Variants in GRM7 observed in about 807,000 individuals in gnomAD.
The protein encoded by GRM7 is glutamate metabotropic receptor 7.
Under a neutral mutation model 84.5 loss-of-function variants are expected in GRM7, and 35 were observed. The observed-to-expected ratio is 0.41, with a 90% CI of 0.32 to 0.55. GRM7 has a LOEUF of 0.55. GRM7 is among the 20% of genes least tolerant of loss of function. The probability of loss-of-function intolerance (pLI) is 0.19; values close to 1 mark genes in which losing one functional copy is unlikely to be tolerated. For synonymous variants in GRM7, 487 were observed against 455.1 expected (o/e 1.07, Z -0.89); for missense variants, 1,003 against 1,194.6 (o/e 0.84, Z 2.36).
chr3:6,994,067 A>C (rs1694743894), intron 1 of GRM7, among the ~76,000 whole-genome samples: 1 of 152,198 alleles, frequency 6.6e-6, no homozygotes, highest in South Asian at 2.1e-4. Flanking sequence ...CATCTTAGTA[A>C]TGTGATCATA....
chr3:7,665,870 C>T (rs1222693074), intron 8 of GRM7, among the ~76,000 whole-genome samples: 1 of 152,152 alleles, frequency 6.6e-6, no homozygotes. Context: ...TATATTTACA[C>T]CTCAAAAAGA....
chr3:7,407,407 A>C (rs562399084), intron 4 of GRM7, among the ~76,000 whole-genome samples: 2 of 152,206 alleles, frequency 1.3e-5, no homozygotes, highest in African/African-American at 2.4e-5. Context: ...ACATGACTGC[A>C]CATAGCATAG....
intron 1 of GRM7, among the ~76,000 whole-genome samples, chr3:7,108,936 G>A (rs1499155): frequency 0.064 from 9,791 of 152,038 alleles, 747 homozygotes; most frequent in African/African-American, 0.15. Flanking sequence ...GAGTTAGCAT[G>A]CAATTGGAGG....
intron 2 of GRM7, among the ~76,000 whole-genome samples, chr3:7,148,540 T>C (rs1326742755): frequency 3.9e-5 from 6 of 152,300 alleles, no homozygotes; most frequent in East Asian, 1.9e-4. Flanking sequence ...TGCCTTGGGA[T>C]CAAGATAAAT....
intron 2 of GRM7, among the ~76,000 whole-genome samples, chr3:7,278,432 G>A (rs925405846): frequency 2.0e-5 from 3 of 151,950 alleles, no homozygotes; most frequent in Non-Finnish European, 4.4e-5. Flanking sequence ...GTATGCCCAC[G>A]TTTTTAAAAA....
intron 1 of GRM7, among the ~76,000 whole-genome samples, chr3:6,887,858 G>A (rs1024428538): frequency 8.5e-5 from 13 of 152,166 alleles, no homozygotes; most frequent in Non-Finnish European, 1.8e-4. Flanking sequence ...CAATGTAAAA[G>A]CATTCCTATT....
chr3:7,509,550 A>G (rs1264909592), intron 7 of GRM7, among the ~76,000 whole-genome samples: 1 of 152,174 alleles, frequency 6.6e-6, no homozygotes, highest in Non-Finnish European at 1.5e-5. Flanking sequence ...GATAAAGAGG[A>G]ACTAAGTAAG....
intron 2 of GRM7, among the ~76,000 whole-genome samples, chr3:7,266,010 C>A (rs569905197): frequency 4.6e-5 from 7 of 152,162 alleles, no homozygotes; most frequent in African/African-American, 1.7e-4. Flanking sequence ...GTCTTAATCC[C>A]GATTTCAGGG....
At chr3:7,551,239 C>T (rs904287165) in intron 7 of GRM7, among the ~76,000 whole-genome samples, 6 of 152,056 alleles carry the variant, frequency 3.9e-5, no homozygotes, top group Non-Finnish European at 8.8e-5. Flanking sequence ...AAAAATAATG[C>T]CCACATTAAA....
At chr3:7,259,542 T>G (rs1698330365) in intron 2 of GRM7, among the ~76,000 whole-genome samples, 1 of 152,214 alleles carries the variant, frequency 6.6e-6, no homozygotes, top group Non-Finnish European at 1.5e-5. Context: ...ATGTGGTATT[T>G]GATTTTCTAT....
In GRM7 at chr3:7,237,868, G is replaced by A. The variant is rs149313125; in HGVS notation, c.737-60816G>A. Among the ~76,000 whole-genome samples the A allele has an allele frequency of 1.4e-3, 208 of 152,188 alleles. 1 individual carries two copies. Among genetic ancestry groups the A allele is most frequent in the African/African-American group, 4.6e-3 (192 of 41,506 alleles). Reference sequence around the variant, plus strand: ...ATTTTTGCAGAGTGCTGATTGGTGCGTTTACAAACCTTTAGCTAGACACAG... The same window carrying A: ...ATTTTTGCAGAGTGCTGATTGGTGCATTTACAAACCTTTAGCTAGACACAG... On this transcript the variant is annotated intron_variant, in intron 2 of 9. Coordinates refer to ENST00000357716, the MANE Select transcript of GRM7 (RefSeq NM_000844.4).
chr3:7,681,240 T>C (rs1308730406), intron 9 of GRM7: 1 of 152,190 alleles, frequency 6.6e-6, no homozygotes, highest in Admixed American at 6.5e-5. Context: ...CAGAAGGGAT[T>C]TCAGGTTATC....
chr3:6,874,547 G>A (rs1695236524), intron 1 of GRM7, among the ~76,000 whole-genome samples: 1 of 152,034 alleles, frequency 6.6e-6, no homozygotes, highest in Admixed American at 6.6e-5. Flanking sequence ...CTCCCACTCG[G>A]GTAGGAAAAA....
chr3:7,298,584 C>T, intron 2 of GRM7, 100 bp from the exon 3 acceptor site: 1 of 934,670 alleles, frequency 1.1e-6, no homozygotes, highest in Non-Finnish European at 1.7e-6. Flanking sequence ...GGAAGTATTG[C>T]ATATCCGGGA....
intron 8 of GRM7, among the ~76,000 whole-genome samples, chr3:7,627,628 T>A (rs1433034347): frequency 3.9e-5 from 6 of 152,174 alleles, no homozygotes; most frequent in Non-Finnish European, 7.4e-5. Flanking sequence ...CTTGTTATAT[T>A]AGTTTGCTAG....
intron 5 of GRM7, among the ~76,000 whole-genome samples, chr3:7,452,354 TA>T (rs1417235594): frequency 6.6e-6 from 1 of 152,148 alleles, no homozygotes; most frequent in Non-Finnish European, 1.5e-5. Flanking sequence ...GGGACCACTA[TA>T]TTTTGAATAG....
chr3:7,035,030 A>G (rs1410498572), intron 1 of GRM7, among the ~76,000 whole-genome samples: 2 of 152,056 alleles, frequency 1.3e-5, no homozygotes, highest in Admixed American at 6.6e-5. Context: ...AGGCCTGTGG[A>G]TATGGGGTGG....
intron 1 of GRM7, among the ~76,000 whole-genome samples, chr3:6,875,305 C>T: frequency 6.6e-6 from 1 of 151,832 alleles, no homozygotes; most frequent in East Asian, 1.9e-4. Flanking sequence ...GCTGTGTCCG[C>T]AACATCCAAC....
In GRM7 at chr3:7,283,375, A is replaced by G. The variant is rs1031831294; in HGVS notation, c.737-15309A>G. 2.0e-5 allele frequency among the ~76,000 whole-genome samples: 3 copies of G among 150,418 alleles called. No homozygotes were observed. The Admixed American group carries it at 2.0e-4, about 10-fold the overall frequency. ...GCAAAGCCTGGCATGCTAAATGCTC[A>G]TTAAAGGTTTTGATTGAGGTTGCTG... On this transcript the variant is annotated intron_variant, in intron 2 of 9. Transcript: ENST00000357716.
Sources: gnomAD v4.1 joint callset for allele counts (sites outside exome capture counted in the v4.1 genomes callset) on GRCh38, gnomAD v4.1.1 for gene constraint, MANE v1.5 for transcripts, NCBI Gene and HGNC (gene_info 2026-07-23, HGNC 2026-07-21) for gene names.